GUCY2F: variants seen among roughly 807,000 people sequenced by gnomAD.
The protein encoded by GUCY2F is retinal guanylyl cyclase 2.
Under a neutral mutation model 73.1 loss-of-function variants are expected in GUCY2F, and 61 were observed. The observed-to-expected ratio is 0.83, with a 90% CI of 0.68 to 1.03. The LOEUF (loss-of-function observed/expected upper bound fraction) is 1.03, where lower values mean the gene tolerates loss of function less well. GUCY2F is among the 50% of genes least tolerant of loss of function. GUCY2F has a pLI of 0.00. For missense variants in GUCY2F, 912 were observed against 854.3 expected (o/e 1.07, Z -0.84); for synonymous variants, 331 against 307.8 (o/e 1.08, Z -0.79).
chrX:109,444,743 C>T (rs2267981), intron 6 of GUCY2F, among the ~76,000 whole-genome samples: 1,431 of 111,796 alleles, frequency 0.013, 20 homozygotes, highest in East Asian at 0.054. Context: ...GCAAAGAACA[C>T]GCCTTTTCCA....
chrX:109,375,717 C>T (rs1930161827), intron 19 of GUCY2F, among the ~76,000 whole-genome samples, 181 bp downstream of exon 19: 1 of 112,474 alleles, frequency 8.9e-6, no homozygotes, highest in African/African-American at 3.2e-5. Flanking sequence ...AGGTGCAGCT[C>T]ACCCTGCAGC....
chrX:109,384,480 GAGCC>G (rs1389540721), intron 16 of GUCY2F, among the ~76,000 whole-genome samples: 1 of 112,217 alleles, frequency 8.9e-6, no homozygotes, highest in African/African-American at 3.2e-5. Context: ...AGTAAGAGTT[GAGCC>G]AGCATCTTAC....
chrX:109,455,550 C>CT (rs749309142), intron 3 of GUCY2F, among the ~76,000 whole-genome samples: 169 of 111,694 alleles, frequency 1.5e-3, no homozygotes, highest in Non-Finnish European at 2.6e-3. Context: ...CCTTCTGGCT[C>CT]TGAACTCCTG....
chrX:109,413,587 G>A (rs1317359918), intron 8 of GUCY2F, among the ~76,000 whole-genome samples: 1 of 110,705 alleles, frequency 9.0e-6, no homozygotes, highest in Non-Finnish European at 1.9e-5. Flanking sequence ...CATATTTTTG[G>A]TAGAGACAGG....
Position 109,458,593 on chromosome X carries a change from T to C in GUCY2F, c.1033-4734A>G, listed in dbSNP as rs747810688. The stretch of plus-strand genomic sequence containing the variant: ...AACTGGTGATCAAGAAGTACTAGAG[T>C]CCCAATTTTAGATCCAATTTCCTTA... On this transcript the variant is annotated intron_variant, in intron 3 of 19. Transcript: ENST00000218006. Among the ~76,000 whole-genome samples, 34 of 110,950 alleles carry C rather than the reference T, an allele frequency of 3.1e-4. 1 individual carries two copies. Among genetic ancestry groups the C allele is most frequent in the African/African-American group, 1.1e-3 (34 of 30,503 alleles).
intron 17 of GUCY2F, among the ~76,000 whole-genome samples, chrX:109,381,340 A>T (rs1266335037): frequency 9.0e-6 from 1 of 111,581 alleles, no homozygotes; most frequent in African/African-American, 3.3e-5. Flanking sequence ...CTGAGTCTTG[A>T]CCTGATTCTG....
intron 3 of GUCY2F, among the ~76,000 whole-genome samples, chrX:109,462,600 T>C (rs375325717): frequency 7.2e-5 from 8 of 111,728 alleles, no homozygotes; most frequent in African/African-American, 2.6e-4. Flanking sequence ...AATTACCTTA[T>C]GTTTTCCACA....
intron 6 of GUCY2F, among the ~76,000 whole-genome samples, chrX:109,444,287 T>G (rs1427944937): frequency 8.9e-6 from 1 of 112,133 alleles, no homozygotes; most frequent in Non-Finnish European, 1.9e-5. Context: ...AGCTGAACAA[T>G]TAATTTGACT....
At chrX:109,421,286 A>C (rs1931365181) in intron 8 of GUCY2F, among the ~76,000 whole-genome samples, 1 of 111,771 alleles carries the variant, frequency 8.9e-6, no homozygotes, top group East Asian at 2.8e-4. Context: ...CACAGTCTCA[A>C]AGCGGTATTT....
rs188407135 is a variant in GUCY2F at position 109,381,470 on chromosome X, G to A, written c.3150+648C>T. Among the ~76,000 whole-genome samples, 48 of 111,717 alleles carry A rather than the reference G, an allele frequency of 4.3e-4. 1 individual carries two copies. The highest frequency in any genetic ancestry group is 1.4e-3 in the African/African-American group (43 of 30,725). Reference sequence around the variant, plus strand: ...GAGCTCTTTTACAACTGGGTCAACCGGTGGTCTTTGGTCATTCAGAAATAG... The same window carrying A: ...GAGCTCTTTTACAACTGGGTCAACCAGTGGTCTTTGGTCATTCAGAAATAG... On this transcript the variant is annotated intron_variant, in intron 17 of 19. Coordinates refer to ENST00000218006, the MANE Select transcript of GUCY2F (RefSeq NM_001522.3).
rs755371415 is a variant in GUCY2F at position 109,382,074 on chromosome X, G to A, written c.3150+44C>T. ...CAGACCATGACCTCTCCAGAAGCAGGTGTATCCAAGTAGTCTGGCTCAAAA... is the reference window on the plus strand; with the variant it reads ...CAGACCATGACCTCTCCAGAAGCAGATGTATCCAAGTAGTCTGGCTCAAAA... On this transcript the variant is annotated intron_variant, in intron 17 of 19. Transcript: ENST00000218006. The A allele has an allele frequency of 1.6e-4, 110 of 697,482 alleles. No homozygotes were observed. The South Asian group carries it at 2.3e-3, about 15-fold the overall frequency. The allele number at this position is 697,482 out of a possible 1,213,427, so 57.5% of individuals were successfully genotyped here.
At chrX:109,393,448 C>T (rs777399552) in intron 12 of GUCY2F, among the ~76,000 whole-genome samples, 1 of 111,071 alleles carries the variant, frequency 9.0e-6, no homozygotes, top group South Asian at 3.9e-4. Context: ...CCCAAAGTAC[C>T]ATTTTACTCT....
rs758015245 is a variant in GUCY2F, at chrX:109,395,416, T to C, written c.2349A>G (p.Glu783=). Residue 783 remains glutamate, a synonymous_variant, in exon 12 of 20, where the codon GAA becomes GAG. Coordinates refer to ENST00000218006, the MANE Select transcript of GUCY2F (RefSeq NM_001522.3). ...AGCACTGCTTCATCAGCTGGAGACA[T>C]TCTGGAGGGGCATGCTCAGGAGGAA... The part of the protein sequence containing the change: ...PVVPPEHAPP[E]CLQLMKQCWA... The C allele has an allele frequency of 8.3e-7, 1 of 1,198,875 alleles. No individual in the cohort carries two copies. The highest frequency in any genetic ancestry group is 2.2e-5 in the Admixed American group (1 of 46,028).
intron 2 of GUCY2F, among the ~76,000 whole-genome samples, chrX:109,468,106 C>T (rs983949562): frequency 1.8e-5 from 2 of 111,710 alleles, no homozygotes; most frequent in African/African-American, 6.5e-5. Flanking sequence ...TTCTCTTCCT[C>T]ACAGGTGTTC....
In GUCY2F at chrX:109,474,227, T is replaced by C. The variant is rs374719063; in HGVS notation, c.730+980A>G. Among the ~76,000 whole-genome samples, 19 of 112,232 alleles carry C rather than the reference T, an allele frequency of 1.7e-4. 3 individuals are homozygous for C. The South Asian group carries it at 2.6e-3, about 15-fold the overall frequency. ...AAATGACTGGGACCAGGACTAATCC[T>C]TGAAGGAATCAGTTTGTCAAATAGT... On this transcript the variant is annotated intron_variant, in intron 2 of 19. Transcript: ENST00000218006.
chrX:109,397,889 T>G (rs1027341913), intron 11 of GUCY2F, among the ~76,000 whole-genome samples: 1 of 109,737 alleles, frequency 9.1e-6, no homozygotes, highest in African/African-American at 3.3e-5. Context: ...CCCTTCTTAG[T>G]GTATCATGTC....
chrX:109,459,200 T>C (rs893087275), intron 3 of GUCY2F, among the ~76,000 whole-genome samples: 1 of 111,766 alleles, frequency 8.9e-6, no homozygotes, highest in African/African-American at 3.3e-5. Context: ...AGGAAACATC[T>C]GTAACCCTGT....
chrX:109,418,532 T>G (rs1027195907), intron 8 of GUCY2F, among the ~76,000 whole-genome samples: 4 of 111,562 alleles, frequency 3.6e-5, no homozygotes, highest in African/African-American at 1.3e-4. Context: ...ATCTGGTAAT[T>G]AAGCATATAT....
At chrX:109,444,372 A>T (rs896229112) in intron 6 of GUCY2F, among the ~76,000 whole-genome samples, 1 of 112,398 alleles carries the variant, frequency 8.9e-6, no homozygotes, top group Non-Finnish European at 1.9e-5. Context: ...TCAATTTCAC[A>T]TTCAGGCAGA....
Sources: allele counts gnomAD v4.1 joint callset (sites outside exome capture counted in the v4.1 genomes callset), GRCh38; gene constraint gnomAD v4.1.1; transcripts MANE v1.5; gene names NCBI Gene and HGNC (gene_info 2026-07-23, HGNC 2026-07-21).